OSBPL1A: variants seen among roughly 807,000 people sequenced by gnomAD.
OSBPL1A encodes the protein oxysterol-binding protein-related protein 1.
A neutral mutation model predicts 137.1 loss-of-function variants in OSBPL1A; 80 were observed. The ratio of observed to expected loss-of-function variants is 0.58; its 90% CI spans 0.49 to 0.70. OSBPL1A has a LOEUF of 0.70. OSBPL1A is among the 30% of genes least tolerant of loss of function. The pLI, the probability that OSBPL1A is intolerant of heterozygous loss-of-function variation, is 0.00. For missense variants in OSBPL1A, 970 were observed against 1,129.4 expected (o/e 0.86, Z 2.02); for synonymous variants, 365 against 389.7 (o/e 0.94, Z 0.75).
At position 24,334,237 on chromosome 18, in the gene OSBPL1A, T is replaced by G. The variant is rs534678753; in HGVS notation, c.480+8A>C. 3.7e-5 allele frequency: 59 copies of G among 1,592,960 alleles called. No homozygotes were observed. In the South Asian group the frequency reaches 6.6e-4, roughly 18 times the overall value. On this transcript the variant is annotated splice_region_variant and intron_variant, in intron 6 of 27. Transcript: ENST00000319481. Reference sequence around the variant, plus strand: ...TTTTGTCTTTTGGGGGTTTTTTGTTTGTTTTACCAGAGCTGTGAGTTCTGT... The same window carrying G: ...TTTTGTCTTTTGGGGGTTTTTTGTTGGTTTTACCAGAGCTGTGAGTTCTGT...
At chr18:24,375,134 G>C (rs374578462) in intron 2 of OSBPL1A, among the ~76,000 whole-genome samples, 1 of 152,000 alleles carries the variant, frequency 6.6e-6, no homozygotes, top group Admixed American at 6.6e-5. Flanking sequence ...GGGGAACACA[G>C]CAAGATCCCG....
At position 24,173,559 on chromosome 18, in the gene OSBPL1A, C is replaced by T. The variant is rs182127586; in HGVS notation, c.2094-1076G>A. Among the ~76,000 whole-genome samples the T allele has an allele frequency of 3.4e-4, 52 of 152,168 alleles. No individual in the cohort carries two copies. In the East Asian group the frequency reaches 8.3e-3, roughly 24 times the overall value. On this transcript the variant is annotated intron_variant, in intron 21 of 27. Transcript: ENST00000319481. ...TCCCGAGGAGCTGGGACTACAGGCACGTGCCACCATGCCCGGCTAATTTTT... is the reference window on the plus strand; with the variant it reads ...TCCCGAGGAGCTGGGACTACAGGCATGTGCCACCATGCCCGGCTAATTTTT...
chr18:24,348,924 T>C (rs2091391770), intron 4 of OSBPL1A, among the ~76,000 whole-genome samples: 1 of 152,136 alleles, frequency 6.6e-6, no homozygotes, highest in South Asian at 2.1e-4. Flanking sequence ...TGTCAGCATT[T>C]TGGGAGATCC....
At chr18:24,175,046 T>C (rs2145915177) in intron 21 of OSBPL1A, among the ~76,000 whole-genome samples, 1 of 147,994 alleles carries the variant, frequency 6.8e-6, no homozygotes, top group African/African-American at 2.5e-5. Flanking sequence ...CCTAAGTAAC[T>C]GGAATTATAG....
intron 2 of OSBPL1A, among the ~76,000 whole-genome samples, chr18:24,372,028 C>T (rs1905680473): frequency 6.6e-6 from 1 of 152,174 alleles, no homozygotes; most frequent in African/African-American, 2.4e-5. Flanking sequence ...GTAATCCCAG[C>T]ACTTTGGGAG....
chr18:24,251,153 T>C (rs998228358), intron 15 of OSBPL1A, among the ~76,000 whole-genome samples: 1 of 152,182 alleles, frequency 6.6e-6, no homozygotes, highest in African/African-American at 2.4e-5. Flanking sequence ...CCAGAAAACA[T>C]CTCTGGACCT....
At chr18:24,228,568 G>A (rs1427044053) in intron 16 of OSBPL1A, among the ~76,000 whole-genome samples, 3 of 152,150 alleles carry the variant, frequency 2.0e-5, no homozygotes, top group Non-Finnish European at 4.4e-5. Context: ...CCAGCAGCGG[G>A]GAAGTGTTTT....
At chr18:24,166,397 C>T (rs563751192) in intron 26 of OSBPL1A, among the ~76,000 whole-genome samples, 182 bp downstream of exon 26, 14 of 152,030 alleles carry the variant, frequency 9.2e-5, no homozygotes, top group Non-Finnish European at 1.9e-4. Flanking sequence ...ATAAGGTCTG[C>T]GCAGATTTCC....
chr18:24,295,921 T>C (rs996648097), intron 14 of OSBPL1A, among the ~76,000 whole-genome samples: 2 of 152,128 alleles, frequency 1.3e-5, no homozygotes, highest in Non-Finnish European at 2.9e-5. Flanking sequence ...TGCAGTATAA[T>C]TTAAAGTCCA....
chr18:24,242,263 C>T (rs1341266625), intron 15 of OSBPL1A, among the ~76,000 whole-genome samples: 1 of 149,488 alleles, frequency 6.7e-6, no homozygotes, highest in Non-Finnish European at 1.5e-5. Flanking sequence ...GCATGTTCTG[C>T]ATATATATCC....
intron 17 of OSBPL1A, among the ~76,000 whole-genome samples, chr18:24,221,437 G>C (rs1277437404): frequency 6.6e-6 from 1 of 152,054 alleles, no homozygotes; most frequent in Non-Finnish European, 1.5e-5. Flanking sequence ...ATTACAGAAG[G>C]CTTTATTCAA....
intron 7 of OSBPL1A, among the ~76,000 whole-genome samples, chr18:24,326,418 AGTCCCAAGT>A (rs976804297): frequency 6.6e-6 from 1 of 152,218 alleles, no homozygotes; most frequent in African/African-American, 2.4e-5. Flanking sequence ...CTGCCCCTAA[AGTCCCAAGT>A]GACCACACTA....
chr18:24,314,373 C>A (rs772638039), intron 11 of OSBPL1A, 26 bp from the exon 12 acceptor site: 8 of 1,498,116 alleles, frequency 5.3e-6, no homozygotes, highest in Non-Finnish European at 7.3e-6. Context: ...GTCAGTAAGA[C>A]AACATTCATT....
intron 11 of OSBPL1A, among the ~76,000 whole-genome samples, chr18:24,316,577 C>T (rs1048248894): frequency 2.0e-5 from 3 of 151,918 alleles, no homozygotes; most frequent in Admixed American, 1.3e-4. Context: ...AAGAGGGCCA[C>T]AAAACAATAA....
chr18:24,198,866 T>TG (rs1334781818), intron 17 of OSBPL1A, among the ~76,000 whole-genome samples: 5 of 150,558 alleles, frequency 3.3e-5, no homozygotes, highest in African/African-American at 1.2e-4. Flanking sequence ...TTTTGTTGTT[T>TG]TTTTTTTTTG....
chr18:24,250,586 C>T (rs1006981218), intron 15 of OSBPL1A, among the ~76,000 whole-genome samples: 3 of 152,194 alleles, frequency 2.0e-5, no homozygotes, highest in African/African-American at 4.8e-5. Context: ...AGCCTTTGGG[C>T]CCTGAATAAC....
intron 2 of OSBPL1A, among the ~76,000 whole-genome samples, chr18:24,369,982 G>C (rs1413722431): frequency 1.3e-5 from 2 of 152,158 alleles, no homozygotes; most frequent in East Asian, 3.9e-4. Flanking sequence ...AGCATTTTAG[G>C]AGGCCAAGGA....
intron 13 of OSBPL1A, among the ~76,000 whole-genome samples, chr18:24,303,947 C>T (rs943802537): frequency 5.3e-5 from 8 of 152,238 alleles, no homozygotes; most frequent in African/African-American, 1.7e-4. Context: ...ATACATTCAA[C>T]ATCTGTTGTG....
At chr18:24,173,880 G>A (rs2086358491) in intron 21 of OSBPL1A, among the ~76,000 whole-genome samples, 1 of 152,190 alleles carries the variant, frequency 6.6e-6, no homozygotes, top group Non-Finnish European at 1.5e-5. Flanking sequence ...TCTCCTGGTA[G>A]TCAAACCTTT....
Sources: gnomAD v4.1 joint callset for allele counts (sites outside exome capture counted in the v4.1 genomes callset) on GRCh38, gnomAD v4.1.1 for gene constraint, MANE v1.5 for transcripts, NCBI Gene and HGNC (gene_info 2026-07-23, HGNC 2026-07-21) for gene names.